XYLT1: variants seen among roughly 807,000 people sequenced by gnomAD.
The protein encoded by XYLT1 is xylosyltransferase 1.
Under a neutral mutation model 91.3 loss-of-function variants are expected in XYLT1, and 36 were observed. The ratio of observed to expected loss-of-function variants is 0.39; its 90% CI spans 0.30 to 0.52. XYLT1 has a LOEUF of 0.52. Ranked by LOEUF, XYLT1 falls within the 20% of genes least tolerant of loss-of-function variation. XYLT1 has a pLI of 0.68. For missense variants in XYLT1, 1,242 were observed against 1,284.5 expected, an observed-to-expected ratio of 0.97 and a Z score of 0.51; for synonymous variants, 588 against 532.0, an observed-to-expected ratio of 1.11 and a Z score of -1.45.
chr16:17,362,376 T>A (rs1334124376), intron 1 of XYLT1, among the ~76,000 whole-genome samples: 3 of 152,158 alleles, frequency 2.0e-5, no homozygotes, highest in Non-Finnish European at 4.4e-5. Flanking sequence ...GCTAAATCAA[T>A]CCACACGTGT....
chr16:17,122,440 G>T (rs1312242028), intron 10 of XYLT1, among the ~76,000 whole-genome samples: 1 of 152,142 alleles, frequency 6.6e-6, no homozygotes, highest in Non-Finnish European at 1.5e-5. Flanking sequence ...TTTTTGATGG[G>T]ATTGTTTTTT....
intron 1 of XYLT1, among the ~76,000 whole-genome samples, chr16:17,421,252 C>G (rs1018426098): frequency 2.6e-5 from 4 of 152,294 alleles, no homozygotes; most frequent in African/African-American, 9.6e-5. Context: ...AGGAGAATCA[C>G]TACAAGGCTC....
chr16:17,128,757 G>A (rs1488388191), intron 9 of XYLT1, among the ~76,000 whole-genome samples: 1 of 152,230 alleles, frequency 6.6e-6, no homozygotes, highest in African/African-American at 2.4e-5. Context: ...GATGTCCGGA[G>A]AAAAGGGGGA....
At chr16:17,409,573 G>C (rs569699194) in intron 1 of XYLT1, among the ~76,000 whole-genome samples, 43 of 127,768 alleles carry the variant, frequency 3.4e-4, no homozygotes, top group African/African-American at 1.3e-3. Flanking sequence ...TTTTTTAGAT[G>C]GAGTCTCACT....
intron 2 of XYLT1, among the ~76,000 whole-genome samples, chr16:17,323,776 G>C (rs187147157): frequency 6.6e-6 from 1 of 152,186 alleles, no homozygotes; most frequent in Admixed American, 6.5e-5. Context: ...AAAAAGATCA[G>C]GTAGTGCCCA....
At chr16:17,296,979 G>A (rs1247786477) in intron 2 of XYLT1, among the ~76,000 whole-genome samples, 1 of 152,204 alleles carries the variant, frequency 6.6e-6, no homozygotes, top group Non-Finnish European at 1.5e-5. Context: ...TTTGGTAGAA[G>A]AGTGGAAATG....
chr16:17,314,970 G>A (rs1386590467), intron 2 of XYLT1, among the ~76,000 whole-genome samples: 4 of 152,198 alleles, frequency 2.6e-5, no homozygotes, highest in African/African-American at 7.2e-5. Context: ...GTGGGCCAAG[G>A]TCAGGCCTTG....
intron 2 of XYLT1, among the ~76,000 whole-genome samples, chr16:17,356,451 T>C (rs549866328): frequency 1.8e-4 from 27 of 152,248 alleles, no homozygotes; most frequent in African/African-American, 6.3e-4. Flanking sequence ...CCCGTGGCTA[T>C]ACCTGTGTGC....
rs532355767 is a variant in XYLT1 at position 17,441,506 on chromosome 16, C to A, written c.363+28928G>T. 5.3e-5 allele frequency among the ~76,000 whole-genome samples: 8 copies of A among 152,308 alleles called. No homozygotes were observed. The East Asian group carries it at 1.5e-3, about 29-fold the overall frequency. ...GAAGCAACAGTCCACTGCCTCTGCT[C>A]TTCTGTCCACCAAAGTCCTCACCAT... On this transcript the variant is annotated intron_variant, in intron 1 of 11. Coordinates refer to ENST00000261381, the MANE Select transcript of XYLT1 (RefSeq NM_022166.4).
At chr16:17,182,318 G>C (rs938568759) in intron 5 of XYLT1, among the ~76,000 whole-genome samples, 1 of 152,126 alleles carries the variant, frequency 6.6e-6, no homozygotes, top group African/African-American at 2.4e-5. Flanking sequence ...ATGCTGGTGA[G>C]GCCTCTCTTC....
At chr16:17,286,678 CTCA>C (rs1259962494) in intron 2 of XYLT1, among the ~76,000 whole-genome samples, 1 of 152,098 alleles carries the variant, frequency 6.6e-6, no homozygotes, top group Admixed American at 6.5e-5. Flanking sequence ...CATCATCATC[CTCA>C]TCATCATCCC....
At chr16:17,440,673 T>C (rs2036522213) in intron 1 of XYLT1, among the ~76,000 whole-genome samples, 1 of 152,204 alleles carries the variant, frequency 6.6e-6, no homozygotes, top group South Asian at 2.1e-4. Context: ...ATGAAAGGAA[T>C]AGATGCATTT....
chr16:17,348,974 A>T (rs1403521333), intron 2 of XYLT1, among the ~76,000 whole-genome samples: 1 of 152,248 alleles, frequency 6.6e-6, no homozygotes, highest in Admixed American at 6.5e-5. Context: ...ATGCAAAACC[A>T]GCCACACTGC....
At chr16:17,394,946 T>C (rs961922883) in intron 1 of XYLT1, among the ~76,000 whole-genome samples, 6 of 151,952 alleles carry the variant, frequency 3.9e-5, no homozygotes, top group Admixed American at 3.9e-4. Context: ...GAGAGTGAGA[T>C]CCCTGCCCAT....
At position 17,184,182 on chromosome 16, in the gene XYLT1, C is replaced by T. The variant is rs923869425; in HGVS notation, c.1289+14030G>A. Among the ~76,000 whole-genome samples the T allele has an allele frequency of 8.6e-5, 10 of 116,666 alleles. No individual in the cohort carries two copies. In the South Asian group the frequency reaches 1.0e-3, roughly 12 times the overall value. The allele number at this position is 116,666 out of a possible 152,430, so 76.5% of individuals were successfully genotyped here. ...ACCGGAGAAAAAGTCACATAAAAGA[C>T]GGCTTTTTTTTTTTTTTTTTTTTGC... On this transcript the variant is annotated intron_variant, in intron 5 of 11. Coordinates refer to ENST00000261381, the MANE Select transcript of XYLT1 (RefSeq NM_022166.4).
At chr16:17,248,024 A>G (rs973092491) in intron 3 of XYLT1, among the ~76,000 whole-genome samples, 1 of 152,150 alleles carries the variant, frequency 6.6e-6, no homozygotes, top group Non-Finnish European at 1.5e-5. Context: ...TTTGGGGCTG[A>G]TATAGTTTGG....
intron 1 of XYLT1, among the ~76,000 whole-genome samples, chr16:17,460,666 T>C (rs2036807758): frequency 6.6e-6 from 1 of 152,178 alleles, no homozygotes; most frequent in Non-Finnish European, 1.5e-5. Context: ...GGGTCTGCAG[T>C]ATCACCATTC....
intron 3 of XYLT1, among the ~76,000 whole-genome samples, chr16:17,232,164 T>C (rs2033167172): frequency 7.3e-6 from 1 of 136,396 alleles, no homozygotes; most frequent in African/African-American, 2.6e-5. Context: ...CGATTATATA[T>C]AATATATTAT....
At chr16:17,173,265 A>G (rs539592853) in intron 5 of XYLT1, among the ~76,000 whole-genome samples, 54 of 152,364 alleles carry the variant, frequency 3.5e-4, no homozygotes, top group African/African-American at 1.3e-3. Context: ...TGCACGCCAC[A>G]CTACCTCCAC....
Sources: gnomAD v4.1 joint callset for allele counts (sites outside exome capture counted in the v4.1 genomes callset) on GRCh38, gnomAD v4.1.1 for gene constraint, MANE v1.5 for transcripts, NCBI Gene and HGNC (gene_info 2026-07-23, HGNC 2026-07-21) for gene names.